Variants in TNFSF4 observed in about 807,000 individuals in gnomAD.
The protein encoded by TNFSF4 is tumor necrosis factor ligand superfamily member 4.
A neutral mutation model predicts 7.3 loss-of-function variants in TNFSF4; 4 were observed. The ratio of observed to expected loss-of-function variants is 0.55; its 90% CI spans 0.27 to 1.25. The LOEUF is 1.25. TNFSF4 is among the 50% of genes most tolerant of loss of function. The pLI is 0.12. For synonymous variants in TNFSF4, 76 were observed against 83.7 expected, an observed-to-expected ratio of 0.91 and a Z score of 0.50; for missense variants, 181 against 208.8, an observed-to-expected ratio of 0.87 and a Z score of 0.82.
the TNFSF4 span, among the ~76,000 whole-genome samples, chr1:173,370,487 A>C: frequency 6.6e-6 from 1 of 152,200 alleles, no homozygotes; most frequent in Non-Finnish European, 1.5e-5. Flanking sequence ...AAAGCCCATT[A>C]ATTATTCAAT....
the TNFSF4 span, chr1:173,442,070 T>G: frequency 6.6e-6 from 1 of 152,232 alleles, no homozygotes. Context: ...GAAGCCAATG[T>G]TGTGCTGGTA....
chr1:173,251,165 G>A, the TNFSF4 span, among the ~76,000 whole-genome samples: 9 of 152,282 alleles, frequency 5.9e-5, no homozygotes, highest in East Asian at 3.9e-4. Context: ...CTATAAAGCC[G>A]CCAGGTGTTT....
chr1:173,333,933 G>A, the TNFSF4 span, among the ~76,000 whole-genome samples: 3 of 151,980 alleles, frequency 2.0e-5, no homozygotes, highest in African/African-American at 7.3e-5. Flanking sequence ...AGGGTTCAGG[G>A]TTCTCCAGGG....
chr1:173,233,537 C>T, the TNFSF4 span, among the ~76,000 whole-genome samples: 1 of 152,128 alleles, frequency 6.6e-6, no homozygotes, highest in South Asian at 2.1e-4. Flanking sequence ...TCAGATTCAC[C>T]AAAGCTAAAA....
the TNFSF4 span, among the ~76,000 whole-genome samples, chr1:173,347,639 A>G: frequency 6.6e-6 from 1 of 152,232 alleles, no homozygotes; most frequent in South Asian, 2.1e-4. Context: ...TATTTTATGC[A>G]GAGTTATGTG....
chr1:173,352,452 A>G, the TNFSF4 span, among the ~76,000 whole-genome samples: 1 of 152,328 alleles, frequency 6.6e-6, no homozygotes, highest in South Asian at 2.1e-4. Flanking sequence ...GAAATTTTAA[A>G]GCTGGGTGTC....
At chr1:173,318,502 G>T in the TNFSF4 span, among the ~76,000 whole-genome samples, 1 of 152,130 alleles carries the variant, frequency 6.6e-6, no homozygotes, top group South Asian at 2.1e-4. Context: ...GGGAATGGGG[G>T]AAGAGAATGG....
At chr1:173,202,871 A>G (rs1650006114) in intron 1 of TNFSF4, among the ~76,000 whole-genome samples, 1 of 152,072 alleles carries the variant, frequency 6.6e-6, no homozygotes, top group African/African-American at 2.4e-5. Context: ...TGTCTGCTTA[A>G]ATAATTTATC....
the TNFSF4 span, among the ~76,000 whole-genome samples, chr1:173,227,724 G>T: frequency 1.3e-5 from 2 of 152,296 alleles, no homozygotes; most frequent in East Asian, 3.9e-4. Context: ...TGGAAAATCG[G>T]GTCACTCCCA....
the TNFSF4 span, among the ~76,000 whole-genome samples, chr1:173,356,614 G>A: frequency 2.6e-5 from 4 of 152,286 alleles, no homozygotes; most frequent in Non-Finnish European, 5.9e-5. Context: ...GTAGAAGTGA[G>A]TTCACATCCT....
the TNFSF4 span, among the ~76,000 whole-genome samples, chr1:173,415,283 C>T: frequency 0.92 from 140,054 of 152,316 alleles, 64,417 homozygotes; most frequent in South Asian, 0.97. Flanking sequence ...ATAGTTGTGC[C>T]TCAGCTGGTG....
chr1:173,448,958 T>C, the TNFSF4 span, among the ~76,000 whole-genome samples: 96 of 152,292 alleles, frequency 6.3e-4, no homozygotes, highest in East Asian at 6.2e-3. Flanking sequence ...CCGATAAAGT[T>C]TGGATGTGTG....
the TNFSF4 span, among the ~76,000 whole-genome samples, chr1:173,255,143 T>C: frequency 6.6e-6 from 1 of 152,178 alleles, no homozygotes; most frequent in Non-Finnish European, 1.5e-5. Flanking sequence ...ACCTCAACGC[T>C]CATGCCCCTA....
At chr1:173,207,902 T>A (rs1650255776), upstream of TNFSF4, among the ~76,000 whole-genome samples, 1 of 152,248 alleles carries the variant, frequency 6.6e-6, no homozygotes, top group African/African-American at 2.4e-5. Flanking sequence ...ACTTGCAATC[T>A]TTCTCTCATT....
At chr1:173,191,954 A>G (rs1649501960) in intron 1 of TNFSF4, among the ~76,000 whole-genome samples, 1 of 152,208 alleles carries the variant, frequency 6.6e-6, no homozygotes, top group Admixed American at 6.5e-5. Context: ...AGGCAGGCAG[A>G]TCACATGAGA....
At chr1:173,195,933 C>T (rs971914643) in intron 1 of TNFSF4, among the ~76,000 whole-genome samples, 8 of 152,150 alleles carry the variant, frequency 5.3e-5, no homozygotes, top group African/African-American at 1.9e-4. Context: ...GGACGTGAAC[C>T]TCTCCTCCCC....
the TNFSF4 span, among the ~76,000 whole-genome samples, chr1:173,391,221 A>T: frequency 6.6e-6 from 1 of 150,748 alleles, no homozygotes; most frequent in Non-Finnish European, 1.5e-5. Flanking sequence ...TCCTTCCCCT[A>T]TGCAGCACCC....
the TNFSF4 span, among the ~76,000 whole-genome samples, chr1:173,217,237 T>C: frequency 2.6e-5 from 4 of 152,156 alleles, no homozygotes; most frequent in African/African-American, 9.6e-5. Flanking sequence ...CACTAATCCA[T>C]AGCTGTGCTC....
chr1:173,397,258 C>T, the TNFSF4 span, among the ~76,000 whole-genome samples: 3 of 152,164 alleles, frequency 2.0e-5, no homozygotes, highest in Admixed American at 6.5e-5. Flanking sequence ...AATTTCCAAA[C>T]GAGATCGTTT....
Sources: gnomAD v4.1 joint callset for allele counts (sites outside exome capture counted in the v4.1 genomes callset) on GRCh38, gnomAD v4.1.1 for gene constraint, MANE v1.5 for transcripts, NCBI Gene and HGNC (gene_info 2026-07-23, HGNC 2026-07-21) for gene names.